The following AGFG1 variants were observed in gnomAD, a reference collection of about 807,000 sequenced individuals.
AGFG1 encodes arf-GAP domain and FG repeat-containing protein 1.
A neutral mutation model predicts 60.6 loss-of-function variants in AGFG1; 10 were observed. The observed-to-expected ratio is 0.16, with a 90% confidence interval of 0.10 to 0.28. The LOEUF is 0.28. Ranked by LOEUF, AGFG1 falls within the 10% of genes least tolerant of loss-of-function variation. The pLI is 1.00. For missense variants in AGFG1, 537 were observed against 676.5 expected, an observed-to-expected ratio of 0.79 and a Z score of 2.29; for synonymous variants, 247 against 242.9, an observed-to-expected ratio of 1.02 and a Z score of -0.16.
intron 3 of AGFG1, among the ~76,000 whole-genome samples, chr2:227,522,471 T>G (rs77754614): frequency 0.027 from 4,132 of 152,324 alleles, 81 homozygotes; most frequent in Non-Finnish European, 0.04. Flanking sequence ...ATTATGTAGT[T>G]TAGTGACAGT....
intron 2 of AGFG1, among the ~76,000 whole-genome samples, chr2:227,502,494 G>A (rs761203680): frequency 6.6e-6 from 1 of 151,708 alleles, no homozygotes; most frequent in African/African-American, 2.4e-5. Context: ...CTAATTTTTT[G>A]TAATTTAGTA....
At chr2:227,539,313 C>T (rs1411981854) in intron 10 of AGFG1, among the ~76,000 whole-genome samples, 4 of 151,774 alleles carry the variant, frequency 2.6e-5, no homozygotes, top group South Asian at 2.1e-4. Context: ...TGCGGTGGTA[C>T]GTGCCTGTAG....
chr2:227,476,056 C>CT (rs539644295), intron 1 of AGFG1, among the ~76,000 whole-genome samples: 89 of 152,142 alleles, frequency 5.8e-4, no homozygotes, highest in African/African-American at 1.9e-3. Context: ...TGGAGCTAAT[C>CT]TTTCTTGTTT....
At chr2:227,494,334 T>A (rs2106172688) in intron 2 of AGFG1, among the ~76,000 whole-genome samples, 1 of 152,362 alleles carries the variant, frequency 6.6e-6, no homozygotes, top group East Asian at 1.9e-4. Context: ...AACGTAAGTT[T>A]ACATTTCAAA....
chr2:227,528,057 CA>C (rs1559188770), intron 5 of AGFG1, among the ~76,000 whole-genome samples: 4 of 152,030 alleles, frequency 2.6e-5, no homozygotes, highest in Non-Finnish European at 5.9e-5. Flanking sequence ...GTATATTATA[CA>C]TAATCACACT....
At chr2:227,535,808 A>G (rs948973718) in intron 8 of AGFG1, among the ~76,000 whole-genome samples, 1 of 152,200 alleles carries the variant, frequency 6.6e-6, no homozygotes, top group African/African-American at 2.4e-5. Flanking sequence ...CATACTTTAT[A>G]TATAATACAT....
intron 1 of AGFG1, among the ~76,000 whole-genome samples, chr2:227,475,809 A>G (rs1450709270): frequency 6.6e-6 from 1 of 152,166 alleles, no homozygotes; most frequent in African/African-American, 2.4e-5. Context: ...TACTGTATTT[A>G]CTTATTGAGC....
rs764767374 is a variant in AGFG1 at position 227,553,717 on chromosome 2, A to G, written c.1551A>G (p.Ala517=). 1.6e-4 allele frequency: 266 copies of G among 1,613,722 alleles called. 1 individual carries two copies. Among genetic ancestry groups the G allele is most frequent in the Middle Eastern group, 1.5e-3 (9 of 6,082 alleles). ...FSQQPNGAGF[A]AFGQTKPVVT... is the part of the protein sequence containing the mutation. The stretch of plus-strand genomic sequence containing the variant: ...TATTTTAACAAGGTGCAGGTTTTGC[A>G]GCATTTGGACAAACAAAGCCAGTAG... The change falls in exon 12 of 13, where the codon GCA becomes GCG. Residue 517 remains alanine, a synonymous_variant. Coordinates refer to ENST00000310078, the MANE Select transcript of AGFG1 (RefSeq NM_004504.5).
chr2:227,536,447 TGAA>T (rs962542569), intron 8 of AGFG1, among the ~76,000 whole-genome samples, 175 bp from the exon 9 acceptor site: 2 of 152,220 alleles, frequency 1.3e-5, no homozygotes, highest in African/African-American at 4.8e-5. Context: ...TGATTCTTAA[TGAA>T]GCAGTAACAA....
At chr2:227,502,522 T>C (rs1691189590) in intron 2 of AGFG1, among the ~76,000 whole-genome samples, 1 of 151,884 alleles carries the variant, frequency 6.6e-6, no homozygotes, top group Admixed American at 6.6e-5. Flanking sequence ...GGATTTGCCA[T>C]GTAGGCCAGG....
At chr2:227,522,286 C>A (rs969160920) in intron 3 of AGFG1, among the ~76,000 whole-genome samples, 1 of 152,258 alleles carries the variant, frequency 6.6e-6, no homozygotes, top group African/African-American at 2.4e-5. Context: ...ATTACTTTGC[C>A]AGGTGAGTCT....
chr2:227,530,943 G>C (rs1391123804), intron 5 of AGFG1, 148 bp from the exon 6 acceptor site: 13 of 745,654 alleles, frequency 1.7e-5, no homozygotes, highest in Non-Finnish European at 2.2e-5. Context: ...ATGCTGGTAG[G>C]GTTTAAAATC....
Position 227,543,574 on chromosome 2 carries a change from A to G in AGFG1, c.1378+6581A>G, listed in dbSNP as rs182789425. Among the ~76,000 whole-genome samples the G allele has an allele frequency of 1.3e-3, 192 of 152,296 alleles. 2 individuals carry two copies. Among genetic ancestry groups the G allele is most frequent in the Admixed American group, 9.8e-3 (150 of 15,300 alleles). On this transcript the variant is annotated intron_variant, in intron 10 of 12. Transcript: ENST00000310078. ...TTTGCTGAAGAGTGCTTTACTTCCA[A>G]TTATGTGGTCAATTTTGGAATAAGT...
intron 2 of AGFG1, among the ~76,000 whole-genome samples, chr2:227,492,127 A>G (rs982835019): frequency 1.3e-5 from 2 of 152,074 alleles, no homozygotes; most frequent in South Asian, 4.1e-4. Flanking sequence ...GTGGCAGCTA[A>G]GTGTCATGGG....
intron 1 of AGFG1, among the ~76,000 whole-genome samples, chr2:227,486,186 C>T (rs964480200): frequency 5.3e-5 from 8 of 152,206 alleles, no homozygotes; most frequent in African/African-American, 1.7e-4. Context: ...TTCTGAACAA[C>T]ATTGCTTCTT....
chr2:227,502,978 A>G (rs1010674028), intron 2 of AGFG1, among the ~76,000 whole-genome samples: 5 of 152,134 alleles, frequency 3.3e-5, no homozygotes, highest in Admixed American at 2.6e-4. Context: ...CACGTCTGTA[A>G]TCCTAGCACT....
chr2:227,521,275 C>T (rs531819294), intron 3 of AGFG1, among the ~76,000 whole-genome samples: 1 of 152,104 alleles, frequency 6.6e-6, no homozygotes, highest in East Asian at 1.9e-4. Flanking sequence ...CCATGTTGGC[C>T]AGGCTGGTCT....
In AGFG1 at chr2:227,555,536, A is replaced by G. The variant is rs961446303; in HGVS notation, c.*1041A>G. On this transcript the variant is annotated 3_prime_UTR_variant, in exon 13 of 13. Transcript: ENST00000310078. ...CATGCATTAACTGTGACATTATTGC[A>G]CCTCAGTTTTTTTCTTTCTTTTTTT... The G allele has an allele frequency of 6.6e-5, 10 of 152,474 alleles. No individual in the cohort carries two copies. The highest frequency in any genetic ancestry group is 2.4e-4 in the African/African-American group (10 of 41,416). 9.4% of individuals were successfully genotyped at this position (152,474 alleles called of 1,614,324 possible). A position where few individuals can be genotyped will look rare whatever the true frequency, so the allele number is the denominator to read the frequency against.
intron 1 of AGFG1, among the ~76,000 whole-genome samples, chr2:227,486,632 A>G (rs908548622): frequency 2.6e-5 from 4 of 152,128 alleles, no homozygotes; most frequent in African/African-American, 7.2e-5. Flanking sequence ...TTTGTTGTTT[A>G]TTGTTTCAGA....
Sources: gnomAD v4.1 joint callset for allele counts (sites outside exome capture counted in the v4.1 genomes callset) on GRCh38, gnomAD v4.1.1 for gene constraint, MANE v1.5 for transcripts, NCBI Gene and HGNC (gene_info 2026-07-23, HGNC 2026-07-21) for gene names.